HRH2: variants seen among roughly 807,000 people sequenced by gnomAD.
HRH2 encodes the protein histamine receptor H2, also known as histamine H2 receptor.
In HRH2, 4 loss-of-function variants were observed where a neutral mutation model predicts 20.1. The ratio of observed to expected loss-of-function variants is 0.20; its 90% CI spans 0.10 to 0.45. The LOEUF (loss-of-function observed/expected upper bound fraction) is 0.45, where lower values mean the gene tolerates loss of function less well. HRH2 is among the 20% of genes least tolerant of loss of function. The pLI, the probability that HRH2 is intolerant of heterozygous loss-of-function variation, is 0.99. For missense variants in HRH2, 250 were observed against 461.6 expected, an observed-to-expected ratio of 0.54 and a Z score of 4.20; for synonymous variants, 197 against 200.7, an observed-to-expected ratio of 0.98 and a Z score of 0.16.
In HRH2 at chr5:175,687,285, T is replaced by C. The variant is rs1027864392; in HGVS notation, c.1076+2976T>C. Among the ~76,000 whole-genome samples the C allele has an allele frequency of 6.6e-6, 1 of 152,084 alleles. No individual in the cohort carries two copies. The highest frequency in any genetic ancestry group is 6.5e-5 in the Admixed American group (1 of 15,274). ...TCGTGTGTCCCTCGATAAGCTCGGC[T>C]GCCAGTTTCCCTGCTGGCTGATAGC... On this transcript the variant is annotated intron_variant, in intron 2 of 2. Coordinates refer to ENST00000636584, the MANE Select transcript of HRH2 (RefSeq NM_001367711.1). This position sits in a 1 kb window ranked among gnomAD's most constrained non-coding sequence, Gnocchi z 5.2.
intron 1 of HRH2, among the ~76,000 whole-genome samples, chr5:175,669,604 T>C (rs1015205721): frequency 1.3e-5 from 2 of 152,178 alleles, no homozygotes; most frequent in African/African-American, 2.4e-5. Flanking sequence ...CCTCAAGCGA[T>C]CCACCCACCT....
intron 1 of HRH2, among the ~76,000 whole-genome samples, chr5:175,674,852 G>A (rs560857948): frequency 1.3e-5 from 2 of 152,344 alleles, no homozygotes; most frequent in East Asian, 3.9e-4. Flanking sequence ...TTGACCAAAT[G>A]TCCTGCCAGG....
chr5:175,666,355 A>T (rs147501609), intron 1 of HRH2, among the ~76,000 whole-genome samples: 20 of 152,266 alleles, frequency 1.3e-4, no homozygotes, highest in Admixed American at 1.1e-3. Flanking sequence ...GTCACAGCAC[A>T]GGATGACGAG....
In HRH2 at chr5:175,660,892, G is replaced by GTATTACCAAATAC. The variant is rs557773385; in HGVS notation, c.-526+2737_-526+2738insTATTACCAAATAC. 2.9e-3 allele frequency among the ~76,000 whole-genome samples: 446 copies of GTATTACCAAATAC among 152,272 alleles called. 4 individuals carry two copies. The highest frequency in any genetic ancestry group is 0.01 in the African/African-American group (428 of 41,522). On this transcript the variant is annotated intron_variant, in intron 1 of 2. Coordinates refer to ENST00000636584, the MANE Select transcript of HRH2 (RefSeq NM_001367711.1). ...ATTGTCAATTTGGTAATACAGATCTGAGACTACTCCTCCCCTGCTCAAAAA... is the reference window on the plus strand; with the variant it reads ...ATTGTCAATTTGGTAATACAGATCTGTATTACCAAATACAGACTACTCCTCCCCTGCTCAAAAA...
chr5:175,669,364 CTTT>C (rs33964139), intron 1 of HRH2, among the ~76,000 whole-genome samples: 12 of 133,086 alleles, frequency 9.0e-5, no homozygotes, highest in Admixed American at 1.5e-4. Context: ...TTCTTTCTTT[CTTT>C]TTTTTTTTTT....
rs1756444586 is a variant in HRH2, at chr5:175,693,131, G to C, written c.1076+8822G>C. Among the ~76,000 whole-genome samples, 1 of 152,224 alleles carries C rather than the reference G, an allele frequency of 6.6e-6. No homozygotes were observed. On this transcript the variant is annotated intron_variant, in intron 2 of 2. Transcript: ENST00000636584. This position sits in a 1 kb window ranked among gnomAD's most constrained non-coding sequence, Gnocchi z 4.4. ...TCCCAATTTCCCCATCTGTAAAAGA[G>C]AGCTAAGAATTCTGGCAGTTGTCCC... is the stretch of plus-strand genomic sequence containing the variant.
Position 175,697,380 on chromosome 5 carries a change from A to G in HRH2, c.1077-10399A>G, listed in dbSNP as rs371012855. On this transcript the variant is annotated intron_variant, in intron 2 of 2. Transcript: ENST00000636584. ...CGGGAGGCTGAGGCAGGAGAATGGC[A>G]TGAACCCAAGAGGCGGAGCTTGCAG... Among the ~76,000 whole-genome samples, 80 of 150,800 alleles carry G rather than the reference A, an allele frequency of 5.3e-4. 2 individuals carry two copies. The highest frequency in any genetic ancestry group is 2.1e-3 in the South Asian group (10 of 4,758).
In HRH2 at chr5:175,693,286, A is replaced by C. The variant is rs1756448876; in HGVS notation, c.1076+8977A>C. 6.6e-6 allele frequency among the ~76,000 whole-genome samples: 1 copy of C among 152,178 alleles called. No individual in the cohort carries two copies. The highest frequency in any genetic ancestry group is 6.5e-5 in the Admixed American group (1 of 15,290). On this transcript the variant is annotated intron_variant, in intron 2 of 2. Coordinates refer to ENST00000636584, the MANE Select transcript of HRH2 (RefSeq NM_001367711.1). The surrounding 1 kb of genome is among the most constrained non-coding windows in gnomAD (Gnocchi z 4.4). Reference sequence around the variant, plus strand: ...TGTGCCTGCATTGCAGGGTGTGCACAGCCCTTGAGGCTCTCCTGGGGCATA... The same window carrying C: ...TGTGCCTGCATTGCAGGGTGTGCACCGCCCTTGAGGCTCTCCTGGGGCATA...
chr5:175,702,208 T>A (rs1212164562), intron 2 of HRH2, among the ~76,000 whole-genome samples: 1 of 151,480 alleles, frequency 6.6e-6, no homozygotes, highest in Non-Finnish European at 1.5e-5. Context: ...TTCCATATGG[T>A]ATGGAGGAAA....
intron 2 of HRH2, among the ~76,000 whole-genome samples, chr5:175,698,843 A>C (rs1425130339): frequency 6.6e-6 from 1 of 152,200 alleles, no homozygotes; most frequent in Non-Finnish European, 1.5e-5. Flanking sequence ...ATTTCACCTC[A>C]TTGGGTGCAA....
At chr5:175,680,854 C>T (rs920388751) in intron 1 of HRH2, among the ~76,000 whole-genome samples, 8 of 152,062 alleles carry the variant, frequency 5.3e-5, no homozygotes, top group African/African-American at 1.9e-4. Flanking sequence ...CTGTTTTGGT[C>T]ATCATTGTCC....
Position 175,673,774 on chromosome 5 carries a change from G to A in HRH2, c.-525-8935G>A, listed in dbSNP as rs146256930. Among the ~76,000 whole-genome samples the A allele has an allele frequency of 7.8e-3, 1,150 of 147,354 alleles. 21 individuals are homozygous for A. The highest frequency in any genetic ancestry group is 0.028 in the African/African-American group (1,099 of 39,866). On this transcript the variant is annotated intron_variant, in intron 1 of 2. Coordinates refer to ENST00000636584, the MANE Select transcript of HRH2 (RefSeq NM_001367711.1). ...GCTGGAGTGCAGTGGCGCAATCTCC[G>A]CTCAATGCAACCTCCGCCCCCCTGG...
intron 2 of HRH2, among the ~76,000 whole-genome samples, chr5:175,691,517 C>T (rs1169460451): frequency 6.6e-6 from 1 of 152,118 alleles, no homozygotes; most frequent in Non-Finnish European, 1.5e-5. Context: ...CGCTGCCTTC[C>T]CAGGGACCGT....
At chr5:175,680,551 A>G (rs1235530469) in intron 1 of HRH2, among the ~76,000 whole-genome samples, 2 of 152,202 alleles carry the variant, frequency 1.3e-5, no homozygotes. Flanking sequence ...GGACAGTTTG[A>G]GAGACTATTT....
intron 1 of HRH2, among the ~76,000 whole-genome samples, chr5:175,678,376 T>C (rs1755832799): frequency 6.7e-6 from 1 of 149,546 alleles, no homozygotes. Flanking sequence ...TTTCCGTCCC[T>C]TTACTGCCTT....
chr5:175,667,514 C>G (rs933056457), intron 1 of HRH2, among the ~76,000 whole-genome samples: 1 of 141,124 alleles, frequency 7.1e-6, no homozygotes, highest in African/African-American at 2.7e-5. Flanking sequence ...ATAACCAGTA[C>G]GACCACCCAA....
Position 175,681,603 on chromosome 5 carries a change from C to T in HRH2, c.-525-1106C>T, listed in dbSNP as rs1007436132. 6.6e-6 allele frequency among the ~76,000 whole-genome samples: 1 copy of T among 152,160 alleles called. No homozygotes were observed. Among genetic ancestry groups the T allele is most frequent in the African/African-American group, 2.4e-5 (1 of 41,436 alleles). The stretch of plus-strand genomic sequence containing the variant: ...GGGAGCCTTGGAGATTACCTAGTGA[C>T]CAGGGGCTCTTATTTAATCAAGAGG... On this transcript the variant is annotated intron_variant, in intron 1 of 2. Coordinates refer to ENST00000636584, the MANE Select transcript of HRH2 (RefSeq NM_001367711.1). This position sits in a 1 kb window ranked among gnomAD's most constrained non-coding sequence, Gnocchi z 4.3.
chr5:175,689,405 C>A lies in HRH2; in HGVS notation c.1076+5096C>A, dbSNP rs556019307. ...TAAGCTCCATAGGACAGGTCCCTGT[C>A]TGTGTTGTTCACTACTGGACCCTAA... On this transcript the variant is annotated intron_variant, in intron 2 of 2. Coordinates refer to ENST00000636584, the MANE Select transcript of HRH2 (RefSeq NM_001367711.1). Among the ~76,000 whole-genome samples, 297 of 152,180 alleles carry A rather than the reference C, an allele frequency of 2.0e-3. 1 individual carries two copies. The highest frequency in any genetic ancestry group is 6.9e-3 in the African/African-American group (286 of 41,500).
At chr5:175,702,410 C>A (rs1227964945) in intron 2 of HRH2, among the ~76,000 whole-genome samples, 2 of 151,336 alleles carry the variant, frequency 1.3e-5, no homozygotes, top group East Asian at 3.9e-4. Context: ...TTTTTTAAAT[C>A]CAAACAAATG....
Sources: gnomAD v4.1 joint callset for allele counts (sites outside exome capture counted in the v4.1 genomes callset) on GRCh38, gnomAD v4.1.1 for gene constraint, Gnocchi (gnomAD v3.1) non-coding constraint, MANE v1.5 for transcripts, NCBI Gene and HGNC (gene_info 2026-07-23, HGNC 2026-07-21) for gene names.